Variants in NKAIN3 observed in about 807,000 individuals in gnomAD.
The protein encoded by NKAIN3 is sodium/potassium transporting ATPase interacting 3, also known as sodium/potassium-transporting ATPase subunit beta-1-interacting protein 3.
Under a neutral mutation model 30.2 loss-of-function variants are expected in NKAIN3, and 25 were observed. That is an observed-to-expected ratio of 0.83 (90% confidence interval 0.60 to 1.16). The LOEUF (loss-of-function observed/expected upper bound fraction) is 1.16, where lower values mean the gene tolerates loss of function less well. Among genes scored for constraint, NKAIN3 ranks in the 50% most tolerant of loss-of-function variants. The pLI is 0.00. For synonymous variants in NKAIN3, 91 were observed against 89.6 expected, an observed-to-expected ratio of 1.02 and a Z score of -0.09; for missense variants, 225 against 254.1, an observed-to-expected ratio of 0.89 and a Z score of 0.78.
At chr8:62,816,654 C>A (rs1327758398) in intron 4 of NKAIN3, among the ~76,000 whole-genome samples, 1 of 152,022 alleles carries the variant, frequency 6.6e-6, no homozygotes, top group Non-Finnish European at 1.5e-5. Flanking sequence ...GGGCTTGGTG[C>A]TGGGGTCAGC....
At chr8:62,383,245 A>G (rs1817329240) in intron 1 of NKAIN3, among the ~76,000 whole-genome samples, 1 of 152,142 alleles carries the variant, frequency 6.6e-6, no homozygotes, top group Non-Finnish European at 1.5e-5. Context: ...ATCCAGAAAA[A>G]TGATTCTCAT....
chr8:62,981,689 T>G lies in NKAIN3; in HGVS notation c.*16282T>G, dbSNP rs1824082846. On this transcript the variant is annotated 3_prime_UTR_variant, in exon 7 of 7. Coordinates refer to ENST00000623646, the MANE Select transcript of NKAIN3 (RefSeq NM_001304533.3). ...CCTTTCAAATTTTTCTGAGACTTCC[T>G]AAATGTGACAAGAACTCTGCTGTGT... 1 of 148,390 alleles carries G rather than the reference T, an allele frequency of 6.7e-6. No homozygotes were observed. Among genetic ancestry groups the G allele is most frequent in the South Asian group, 2.1e-4 (1 of 4,742 alleles). The allele number at this position is 148,390 out of a possible 1,614,324, so 9.2% of individuals were successfully genotyped here. A position where few individuals can be genotyped will look rare whatever the true frequency, so the allele number is the denominator to read the frequency against.
At chr8:62,299,472 A>C (rs1446554026) in intron 1 of NKAIN3, among the ~76,000 whole-genome samples, 1 of 152,162 alleles carries the variant, frequency 6.6e-6, no homozygotes, top group Non-Finnish European at 1.5e-5. Context: ...CAGGGCGACC[A>C]AGAGGTCTAT....
At chr8:62,859,517 A>AAAAAAAAAAAAAAAAAAAAAAAT (rs1369901684) in intron 4 of NKAIN3, among the ~76,000 whole-genome samples, 1 of 150,172 alleles carries the variant, frequency 6.7e-6, no homozygotes, top group African/African-American at 2.4e-5. Flanking sequence ...CTAAAAAAAA[A>AAAAAAAAAAAAAAAAAAAAAAAT]AAAACTTCAT....
chr8:62,354,158 G>C (rs186551400), intron 1 of NKAIN3, among the ~76,000 whole-genome samples: 5 of 152,256 alleles, frequency 3.3e-5, no homozygotes, highest in Admixed American at 1.3e-4. Context: ...ACAACGTTGT[G>C]ATTAAACAAT....
chr8:62,469,304 T>A (rs1204420997), intron 1 of NKAIN3, among the ~76,000 whole-genome samples: 1 of 152,216 alleles, frequency 6.6e-6, no homozygotes, highest in Non-Finnish European at 1.5e-5. Flanking sequence ...CCTGGGATTA[T>A]CTCATCCTTA....
chr8:62,695,658 A>T (rs576986577), intron 3 of NKAIN3, among the ~76,000 whole-genome samples: 71 of 152,276 alleles, frequency 4.7e-4, no homozygotes, highest in African/African-American at 1.7e-3. Flanking sequence ...AAGCTGAATA[A>T]CTCAGTTTTG....
intron 1 of NKAIN3, among the ~76,000 whole-genome samples, chr8:62,314,815 T>C (rs554166730): frequency 1.0e-3 from 154 of 152,292 alleles, no homozygotes; most frequent in African/African-American, 3.6e-3. Context: ...ACATACACTT[T>C]GTGATGTATT....
At chr8:62,569,134 C>T (rs756749008) in intron 1 of NKAIN3, among the ~76,000 whole-genome samples, 5 of 152,142 alleles carry the variant, frequency 3.3e-5, no homozygotes, top group Non-Finnish European at 7.3e-5. Flanking sequence ...TATGTTCATC[C>T]TAAGGCTTAT....
chr8:62,624,852 A>C (rs745773203), intron 3 of NKAIN3, among the ~76,000 whole-genome samples: 14 of 150,572 alleles, frequency 9.3e-5, no homozygotes, highest in Non-Finnish European at 2.1e-4. Flanking sequence ...TCATATTCTC[A>C]AACTCAGAGA....
At chr8:62,864,607 T>C (rs1015309871) in intron 4 of NKAIN3, among the ~76,000 whole-genome samples, 1 of 152,214 alleles carries the variant, frequency 6.6e-6, no homozygotes, top group African/African-American at 2.4e-5. Context: ...TCCAGAGTTT[T>C]CCACCTCGTT....
chr8:62,422,915 C>G (rs952177025), intron 1 of NKAIN3, among the ~76,000 whole-genome samples: 1 of 152,082 alleles, frequency 6.6e-6, no homozygotes, highest in South Asian at 2.1e-4. Flanking sequence ...AATCCCTTAA[C>G]TCAATGACTT....
At chr8:62,570,842 T>TG (rs1809913239) in intron 1 of NKAIN3, among the ~76,000 whole-genome samples, 1 of 152,128 alleles carries the variant, frequency 6.6e-6, no homozygotes, top group Admixed American at 6.5e-5. Flanking sequence ...TTTTCCACTG[T>TG]TCACTACAGG....
At chr8:62,882,142 G>A (rs1368221562) in intron 4 of NKAIN3, among the ~76,000 whole-genome samples, 1 of 151,986 alleles carries the variant, frequency 6.6e-6, no homozygotes, top group African/African-American at 2.4e-5. Flanking sequence ...GTATATTTAG[G>A]ATAACAGTCC....
chr8:62,543,882 A>G (rs1256203973), intron 1 of NKAIN3, among the ~76,000 whole-genome samples: 2 of 152,068 alleles, frequency 1.3e-5, no homozygotes, highest in South Asian at 2.1e-4. Flanking sequence ...TTATTTTTTT[A>G]TCAGTGCAAA....
chr8:62,790,565 G>GTGTC (rs77479524), intron 4 of NKAIN3, among the ~76,000 whole-genome samples: 1 of 121,956 alleles, frequency 8.2e-6, no homozygotes, highest in South Asian at 2.6e-4. Flanking sequence ...GTGTGTGTGT[G>GTGTC]TGTCTGTCTG....
chr8:62,280,416 A>G (rs1392321408), intron 1 of NKAIN3, among the ~76,000 whole-genome samples: 2 of 152,084 alleles, frequency 1.3e-5, no homozygotes, highest in Non-Finnish European at 2.9e-5. Context: ...ATTATATTGA[A>G]TAGGAGTGGT....
At chr8:62,289,488 A>G (rs961578130) in intron 1 of NKAIN3, among the ~76,000 whole-genome samples, 3 of 152,170 alleles carry the variant, frequency 2.0e-5, no homozygotes, top group African/African-American at 7.2e-5. Context: ...AGCACCATTT[A>G]TTAAATAGGG....
intron 1 of NKAIN3, among the ~76,000 whole-genome samples, chr8:62,295,216 G>T (rs1229390066): frequency 6.6e-6 from 1 of 152,124 alleles, no homozygotes; most frequent in Non-Finnish European, 1.5e-5. Context: ...GGATATAAGG[G>T]AATGTGCCCT....
Sources: allele counts gnomAD v4.1 joint callset (sites outside exome capture counted in the v4.1 genomes callset), GRCh38; gene constraint gnomAD v4.1.1; transcripts MANE v1.5; gene names NCBI Gene and HGNC (gene_info 2026-07-23, HGNC 2026-07-21).